CADPS2: variants seen among roughly 807,000 people sequenced by gnomAD.
CADPS2 encodes calcium dependent secretion activator 2, also known as calcium-dependent secretion activator 2.
In CADPS2, 93 loss-of-function variants were observed where a neutral mutation model predicts 172.5. The observed-to-expected ratio is 0.54, with a 90% CI of 0.46 to 0.64. The LOEUF is 0.64. CADPS2 is among the 30% of genes least tolerant of loss of function. The pLI is 0.00. For missense variants in CADPS2, 1,420 were observed against 1,565.9 expected, an observed-to-expected ratio of 0.91 and a Z score of 1.57; for synonymous variants, 546 against 555.2, an observed-to-expected ratio of 0.98 and a Z score of 0.23.
intron 28 of CADPS2, among the ~76,000 whole-genome samples, chr7:122,329,665 T>C (rs543585074): frequency 1.6e-4 from 24 of 152,220 alleles, no homozygotes; most frequent in Non-Finnish European, 3.4e-4. Context: ...TTGAGGATGA[T>C]TCAATTAAAT....
intron 1 of CADPS2, among the ~76,000 whole-genome samples, chr7:122,825,852 G>A (rs142396827): frequency 6.6e-6 from 1 of 152,206 alleles, no homozygotes; most frequent in Non-Finnish European, 1.5e-5. Context: ...ACTAATTCAA[G>A]TTTGCCCACG....
intron 14 of CADPS2, among the ~76,000 whole-genome samples, chr7:122,470,044 CA>C (rs1302830419): frequency 2.0e-5 from 3 of 151,994 alleles, no homozygotes; most frequent in Non-Finnish European, 2.9e-5. Flanking sequence ...CAAGAATGGG[CA>C]GATGGAAGAG....
chr7:122,321,081 A>C (rs778549586), intron 29 of CADPS2, among the ~76,000 whole-genome samples: 1 of 152,228 alleles, frequency 6.6e-6, no homozygotes, highest in Admixed American at 6.5e-5. Flanking sequence ...GATTTTCAAG[A>C]CAACAAAATC....
intron 17 of CADPS2, among the ~76,000 whole-genome samples, chr7:122,437,707 G>A (rs1019197423): frequency 2.6e-5 from 4 of 151,654 alleles, no homozygotes; most frequent in Non-Finnish European, 5.9e-5. Flanking sequence ...GAATAAAACT[G>A]TTGAATAAAA....
At chr7:122,849,938 C>T in intron 1 of CADPS2, 2 of 562,216 alleles carry the variant, frequency 3.6e-6, no homozygotes, top group Non-Finnish European at 6.5e-6. Flanking sequence ...GGCCCCAGCT[C>T]CTGGCCCAGT....
chr7:122,531,581 T>G (rs2061757575), intron 8 of CADPS2, among the ~76,000 whole-genome samples: 1 of 152,208 alleles, frequency 6.6e-6, no homozygotes, highest in Non-Finnish European at 1.5e-5. Flanking sequence ...ATTCTAAAAC[T>G]GGTCTCAGTT....
At chr7:122,599,226 G>T (rs920696136) in intron 6 of CADPS2, among the ~76,000 whole-genome samples, 1 of 152,090 alleles carries the variant, frequency 6.6e-6, no homozygotes, top group East Asian at 2.0e-4. Flanking sequence ...CCTCCAAAAC[G>T]CAACAGAATT....
At chr7:122,532,074 A>G (rs146355483) in intron 8 of CADPS2, among the ~76,000 whole-genome samples, 5 of 152,132 alleles carry the variant, frequency 3.3e-5, no homozygotes, top group Admixed American at 6.5e-5. Context: ...AAATACTGTT[A>G]GCCTGTTAGC....
chr7:122,504,919 T>A (rs1231908293), intron 9 of CADPS2, among the ~76,000 whole-genome samples: 6 of 152,312 alleles, frequency 3.9e-5, no homozygotes, highest in Middle Eastern at 3.4e-3. Flanking sequence ...TTGATGAAGA[T>A]GTTTGGTGGA....
intron 1 of CADPS2, among the ~76,000 whole-genome samples, chr7:122,820,556 GTTTT>G (rs551121404): frequency 2.3e-4 from 20 of 86,522 alleles, no homozygotes; most frequent in African/African-American, 7.2e-4. Flanking sequence ...TTTGTTTTTT[GTTTT>G]TTTTTTTTTT....
At chr7:122,844,076 C>T (rs1392002622) in intron 1 of CADPS2, among the ~76,000 whole-genome samples, 3 of 152,076 alleles carry the variant, frequency 2.0e-5, no homozygotes, top group African/African-American at 7.3e-5. Context: ...AAACACAAGC[C>T]CCAGCCACAG....
chr7:122,465,715 A>G (rs1005690222), intron 14 of CADPS2, among the ~76,000 whole-genome samples: 18 of 152,166 alleles, frequency 1.2e-4, no homozygotes, highest in Non-Finnish European at 2.4e-4. Context: ...AAAAAGGTTG[A>G]GGACCACTGG....
rs551132007 is a variant in CADPS2, at chr7:122,506,860, A to G, written c.1542+6389T>C. 4.5e-4 allele frequency among the ~76,000 whole-genome samples: 69 copies of G among 152,260 alleles called. No individual in the cohort carries two copies. In the South Asian group the frequency reaches 0.014, roughly 31 times the overall value. ...TGTGTTGTCCAAATGGTGTAAAAAG[A>G]GTTAGTATTCGGTGTACAAATTAGA... On this transcript the variant is annotated intron_variant, in intron 9 of 29. Transcript: ENST00000449022.
chr7:122,470,300 G>T (rs566046659), intron 14 of CADPS2, among the ~76,000 whole-genome samples: 38 of 152,048 alleles, frequency 2.5e-4, no homozygotes, highest in African/African-American at 8.9e-4. Context: ...ATGTTAAGGG[G>T]CACTATGGGA....
At chr7:122,732,485 T>C (rs2091743441) in intron 2 of CADPS2, among the ~76,000 whole-genome samples, 1 of 150,542 alleles carries the variant, frequency 6.6e-6, no homozygotes, top group South Asian at 2.1e-4. Context: ...AAAATGTATA[T>C]ACTACGAGTA....
At chr7:122,787,385 T>C (rs1794291809) in intron 1 of CADPS2, among the ~76,000 whole-genome samples, 1 of 152,214 alleles carries the variant, frequency 6.6e-6, no homozygotes, top group South Asian at 2.1e-4. Context: ...TTACTTGTTA[T>C]CAATTATAAA....
intron 17 of CADPS2, among the ~76,000 whole-genome samples, chr7:122,437,875 A>T (rs150994640): frequency 8.0e-4 from 122 of 152,140 alleles, no homozygotes; most frequent in African/African-American, 2.9e-3. Flanking sequence ...CATTGCAAGC[A>T]ATTAAAAACC....
intron 12 of CADPS2, among the ~76,000 whole-genome samples, chr7:122,477,511 A>G (rs2056834103): frequency 6.6e-6 from 1 of 151,114 alleles, no homozygotes; most frequent in Admixed American, 6.6e-5. Flanking sequence ...GTGAGACTCC[A>G]TTCCCATCCC....
At chr7:122,703,389 C>T (rs182993272) in intron 2 of CADPS2, among the ~76,000 whole-genome samples, 2 of 152,194 alleles carry the variant, frequency 1.3e-5, no homozygotes, top group African/African-American at 4.8e-5. Context: ...TTCAACACTA[C>T]CCAGTATGGC....
Sources: allele counts gnomAD v4.1 joint callset (sites outside exome capture counted in the v4.1 genomes callset), GRCh38; gene constraint gnomAD v4.1.1; transcripts MANE v1.5; gene names NCBI Gene and HGNC (gene_info 2026-07-23, HGNC 2026-07-21).